COL5A2: variants seen among roughly 807,000 people sequenced by gnomAD.
COL5A2 encodes the protein collagen alpha-2(V) chain.
Under a neutral mutation model 208.2 loss-of-function variants are expected in COL5A2, and 23 were observed. The observed-to-expected ratio is 0.11, with a 90% CI of 0.08 to 0.16. The LOEUF is 0.16. Ranked by LOEUF, COL5A2 falls within the 10% of genes least tolerant of loss-of-function variation. COL5A2 has a pLI of 1.00. For missense variants in COL5A2, 1,590 were observed against 1,956.4 expected, an observed-to-expected ratio of 0.81 and a Z score of 3.53; for synonymous variants, 625 against 628.5, an observed-to-expected ratio of 0.99 and a Z score of 0.08.
the COL5A2 span, among the ~76,000 whole-genome samples, chr2:189,316,313 A>T: frequency 6.6e-6 from 1 of 152,170 alleles, no homozygotes; most frequent in Admixed American, 6.5e-5. Flanking sequence ...TTGCAGGGAC[A>T]TGGATGGAGC....
intron 7 of COL5A2, among the ~76,000 whole-genome samples, chr2:189,090,010 T>G (rs1686749560): frequency 6.6e-6 from 1 of 152,150 alleles, no homozygotes; most frequent in South Asian, 2.1e-4. Context: ...ATCTCTCACT[T>G]TACATTGTAA....
At chr2:189,396,020 T>C in the COL5A2 span, among the ~76,000 whole-genome samples, 12 of 150,460 alleles carry the variant, frequency 8.0e-5, no homozygotes, top group African/African-American at 2.9e-4. Flanking sequence ...AATATATACA[T>C]AGCATCTACA....
intron 1 of COL5A2, among the ~76,000 whole-genome samples, chr2:189,189,415 A>G (rs1688895884): frequency 6.6e-6 from 1 of 152,186 alleles, no homozygotes; most frequent in Non-Finnish European, 1.5e-5. Flanking sequence ...TTAAAAATAT[A>G]TGATGCCCCT....
intron 1 of COL5A2, among the ~76,000 whole-genome samples, chr2:189,192,804 G>A (rs945218166): frequency 1.3e-5 from 2 of 152,190 alleles, no homozygotes; most frequent in South Asian, 2.1e-4. Flanking sequence ...TAAGAATTAA[G>A]ATATTTAAGA....
At chr2:189,090,478 C>T (rs375395127) in intron 7 of COL5A2, among the ~76,000 whole-genome samples, 65 of 152,298 alleles carry the variant, frequency 4.3e-4, no homozygotes, top group African/African-American at 1.5e-3. Context: ...CATTGATGAA[C>T]GTGGCTACAC....
chr2:189,063,110 A>G, intron 27 of COL5A2, 47 bp from the exon 28 acceptor site: 1 of 1,612,612 alleles, frequency 6.2e-7, no homozygotes, highest in Non-Finnish European at 8.5e-7. Context: ...ATTTGTCAAA[A>G]ACATACCTCC....
In COL5A2 at chr2:189,033,979, A is replaced by G. The variant is rs983388413; in HGVS notation, c.*91T>C. On this transcript the variant is annotated 3_prime_UTR_variant, in exon 54 of 54. Coordinates refer to ENST00000374866, the MANE Select transcript of COL5A2 (RefSeq NM_000393.5). Reference sequence around the variant, plus strand: ...ATGCAGGATCAGCCATTACTTCAAGAGTCTCAGGATCAACTTCAAACAGTC... The same window carrying G: ...ATGCAGGATCAGCCATTACTTCAAGGGTCTCAGGATCAACTTCAAACAGTC... 1.9e-6 allele frequency: 3 copies of G among 1,543,788 alleles called. No homozygotes were observed. The African/African-American group carries it at 4.1e-5, about 21-fold the overall frequency.
rs551764889 is a variant in COL5A2 at position 189,104,395 on chromosome 2, T to C, written c.323-118A>G. 5 of 763,614 alleles carry C rather than the reference T, an allele frequency of 6.5e-6. No homozygotes were observed. In the African/African-American group the frequency reaches 8.6e-5, roughly 13 times the overall value. 47.3% of individuals were successfully genotyped at this position (763,614 alleles called of 1,614,324 possible). A position where few individuals can be genotyped will look rare whatever the true frequency, so the allele number is the denominator to read the frequency against. On this transcript the variant is annotated intron_variant, in intron 2 of 53. Transcript: ENST00000374866. ...GAGTCAGAATTACAGTGATAGTGAT[T>C]ACACTATCAGCAGTAAGCAGAATTC... is the stretch of plus-strand genomic sequence containing the variant.
the COL5A2 span, among the ~76,000 whole-genome samples, chr2:189,320,651 A>G: frequency 1.1e-3 from 169 of 152,310 alleles, no homozygotes; most frequent in African/African-American, 3.7e-3. Context: ...AGCCTCCAAG[A>G]AATATGGGAC....
chr2:189,321,271 TA>T, the COL5A2 span, among the ~76,000 whole-genome samples: 2 of 152,076 alleles, frequency 1.3e-5, no homozygotes, highest in Non-Finnish European at 2.9e-5. Context: ...ACGAGTAAAA[TA>T]ACCAGCTAAC....
At chr2:189,198,808 A>T (rs1397970663) in intron 1 of COL5A2, among the ~76,000 whole-genome samples, 4 of 152,174 alleles carry the variant, frequency 2.6e-5, no homozygotes, top group African/African-American at 9.6e-5. Context: ...ACATCAAGCC[A>T]CCATTTCTCA....
chr2:189,406,330 T>G, the COL5A2 span, among the ~76,000 whole-genome samples: 1 of 152,176 alleles, frequency 6.6e-6, no homozygotes, highest in South Asian at 2.1e-4. Flanking sequence ...CACAAATACA[T>G]GAAGAAGTGG....
At chr2:189,313,534 C>G in the COL5A2 span, among the ~76,000 whole-genome samples, 22 of 152,270 alleles carry the variant, frequency 1.4e-4, no homozygotes, top group African/African-American at 5.1e-4. Flanking sequence ...ACTACATAAA[C>G]AAGTCTGCAA....
the COL5A2 span, among the ~76,000 whole-genome samples, chr2:189,364,643 C>T: frequency 6.6e-6 from 1 of 151,770 alleles, no homozygotes; most frequent in Non-Finnish European, 1.5e-5. Flanking sequence ...GAGATTGTGC[C>T]ACTGCACTCC....
intron 1 of COL5A2, among the ~76,000 whole-genome samples, chr2:189,219,929 G>A (rs1689326696): frequency 6.6e-6 from 1 of 151,970 alleles, no homozygotes; most frequent in African/African-American, 2.4e-5. Flanking sequence ...TACTGTCATC[G>A]TGAAATTCTT....
the COL5A2 span, among the ~76,000 whole-genome samples, chr2:189,237,311 T>G: frequency 6.6e-6 from 1 of 151,724 alleles, no homozygotes; most frequent in Non-Finnish European, 1.5e-5. Flanking sequence ...ATTCTTTTAT[T>G]GTTCTTTCAA....
chr2:189,135,887 T>G (rs1193729873), intron 1 of COL5A2, among the ~76,000 whole-genome samples: 1 of 152,212 alleles, frequency 6.6e-6, no homozygotes, highest in Non-Finnish European at 1.5e-5. Context: ...CAACAGTAGC[T>G]CACAGCAACT....
At chr2:189,349,332 CAAAG>C in the COL5A2 span, among the ~76,000 whole-genome samples, 2 of 152,018 alleles carry the variant, frequency 1.3e-5, no homozygotes, top group East Asian at 1.9e-4. Flanking sequence ...TTAAAAGTGA[CAAAG>C]GAAGGAACAA....
chr2:189,215,934 A>G (rs1689273267), intron 1 of COL5A2, among the ~76,000 whole-genome samples: 1 of 152,140 alleles, frequency 6.6e-6, no homozygotes, highest in Non-Finnish European at 1.5e-5. Flanking sequence ...CACAGCAAAA[A>G]TGGTTACAGG....
Sources: allele counts gnomAD v4.1 joint callset (sites outside exome capture counted in the v4.1 genomes callset), GRCh38; gene constraint gnomAD v4.1.1; transcripts MANE v1.5; gene names NCBI Gene and HGNC (gene_info 2026-07-23, HGNC 2026-07-21).